Variants in SKAP1 observed in about 807,000 individuals in gnomAD.
SKAP1 encodes src kinase-associated phosphoprotein 1.
A neutral mutation model predicts 58.5 loss-of-function variants in SKAP1; 44 were observed. That is an observed-to-expected ratio of 0.75 (90% CI 0.59 to 0.97). The LOEUF (loss-of-function observed/expected upper bound fraction) is 0.97. Among genes scored for constraint, SKAP1 ranks in the 50% least tolerant of loss-of-function variants. The pLI is 0.00. For missense variants in SKAP1, 390 were observed against 435.2 expected, an observed-to-expected ratio of 0.90 and a Z score of 0.92; for synonymous variants, 127 against 149.7, an observed-to-expected ratio of 0.85 and a Z score of 1.11.
chr17:48,371,989 T>C (rs1052134344), intron 2 of SKAP1, among the ~76,000 whole-genome samples: 2 of 152,208 alleles, frequency 1.3e-5, no homozygotes, highest in African/African-American at 4.8e-5. Flanking sequence ...ATATATTTTT[T>C]TGAGACAGAG....
intron 11 of SKAP1, among the ~76,000 whole-genome samples, chr17:48,149,350 G>A (rs1325293699): frequency 6.6e-6 from 1 of 152,328 alleles, no homozygotes; most frequent in East Asian, 1.9e-4. Flanking sequence ...TTTGGAGAAA[G>A]AGGGATGACA....
intron 2 of SKAP1, among the ~76,000 whole-genome samples, chr17:48,386,880 C>T (rs963758584): frequency 6.6e-6 from 1 of 152,140 alleles, no homozygotes; most frequent in African/African-American, 2.4e-5. Flanking sequence ...TCAAACAGGG[C>T]ACCTAAATAT....
chr17:48,340,828 A>T (rs1598590533), intron 4 of SKAP1, among the ~76,000 whole-genome samples: 1 of 152,212 alleles, frequency 6.6e-6, no homozygotes, highest in East Asian at 1.9e-4. Flanking sequence ...AAGCATTTAG[A>T]GGATAATTTT....
At chr17:48,334,794 T>G (rs1053639833) in intron 4 of SKAP1, among the ~76,000 whole-genome samples, 1 of 151,866 alleles carries the variant, frequency 6.6e-6, no homozygotes, top group African/African-American at 2.4e-5. Context: ...TTGGTTAAAT[T>G]TTGTCTTCAG....
chr17:48,216,880 T>C (rs969642526), intron 4 of SKAP1, among the ~76,000 whole-genome samples: 12 of 152,156 alleles, frequency 7.9e-5, no homozygotes, highest in African/African-American at 2.7e-4. Context: ...TTGGCAAATA[T>C]TATAAGTATC....
chr17:48,299,256 C>T (rs2066026357), intron 4 of SKAP1, among the ~76,000 whole-genome samples: 1 of 152,138 alleles, frequency 6.6e-6, no homozygotes, highest in African/African-American at 2.4e-5. Flanking sequence ...TTGGCTGCCT[C>T]CTTTACCTTT....
At chr17:48,324,211 G>A (rs1598569322) in intron 4 of SKAP1, among the ~76,000 whole-genome samples, 1 of 152,018 alleles carries the variant, frequency 6.6e-6, no homozygotes, top group East Asian at 1.9e-4. Flanking sequence ...CATATGTTTT[G>A]TATCCTGCCT....
At chr17:48,217,989 T>G (rs1386240802) in intron 4 of SKAP1, among the ~76,000 whole-genome samples, 2 of 152,236 alleles carry the variant, frequency 1.3e-5, no homozygotes, top group Non-Finnish European at 2.9e-5. Context: ...GCAGGTCATT[T>G]GTATGAGATA....
intron 7 of SKAP1, among the ~76,000 whole-genome samples, chr17:48,183,228 A>G (rs1358553502): frequency 1.3e-5 from 2 of 152,224 alleles, no homozygotes; most frequent in African/African-American, 4.8e-5. Flanking sequence ...CAGAAGACCA[A>G]CTGGTCCTCT....
intron 4 of SKAP1, among the ~76,000 whole-genome samples, chr17:48,303,609 A>G (rs768562850): frequency 6.6e-6 from 1 of 152,196 alleles, no homozygotes; most frequent in African/African-American, 2.4e-5. Flanking sequence ...AGGCTCCTCA[A>G]TTTTTGTGGC....
intron 3 of SKAP1, among the ~76,000 whole-genome samples, chr17:48,354,822 T>C (rs1404505981): frequency 6.6e-6 from 1 of 152,174 alleles, no homozygotes; most frequent in Non-Finnish European, 1.5e-5. Context: ...GGGTTTCAGG[T>C]CTGAAGTCTT....
intron 4 of SKAP1, among the ~76,000 whole-genome samples, chr17:48,200,779 T>C (rs114253035): frequency 0.027 from 4,096 of 152,348 alleles, 171 homozygotes; most frequent in African/African-American, 0.091. Context: ...ACTAATTATT[T>C]AATTTCTGGA....
chr17:48,161,179 C>T (rs1213747962), intron 11 of SKAP1, among the ~76,000 whole-genome samples: 1 of 152,112 alleles, frequency 6.6e-6, no homozygotes, highest in African/African-American at 2.4e-5. Context: ...TATGGTATAT[C>T]TCAAACCAAG....
intron 7 of SKAP1, among the ~76,000 whole-genome samples, chr17:48,183,429 A>T (rs2064397085): frequency 6.6e-6 from 1 of 152,186 alleles, no homozygotes; most frequent in Non-Finnish European, 1.5e-5. Context: ...AGCCTTTAGT[A>T]ATTTTTTTAT....
chr17:48,189,589 G>T (rs766359565), intron 4 of SKAP1, 89 bp from the exon 5 acceptor site: 3 of 882,652 alleles, frequency 3.4e-6, no homozygotes, highest in Admixed American at 4.6e-5. Flanking sequence ...ATTAATAACA[G>T]AGTACAAAAA....
chr17:48,409,601 T>C (rs969217974), intron 1 of SKAP1, among the ~76,000 whole-genome samples: 2 of 144,860 alleles, frequency 1.4e-5, no homozygotes, highest in South Asian at 2.1e-4. Flanking sequence ...CAGGGAGGCA[T>C]AGGTTGCAGT....
chr17:48,414,381 C>T (rs1001845615), intron 1 of SKAP1, among the ~76,000 whole-genome samples: 1 of 151,840 alleles, frequency 6.6e-6, no homozygotes, highest in Admixed American at 6.6e-5. Flanking sequence ...ATGCAGAGGT[C>T]CAGAGGTGAG....
intron 10 of SKAP1, among the ~76,000 whole-genome samples, chr17:48,170,074 T>C (rs2064188293): frequency 6.6e-6 from 1 of 152,204 alleles, no homozygotes; most frequent in African/African-American, 2.4e-5. Context: ...TAAGATGTAA[T>C]TTTATATTCA....
intron 2 of SKAP1, among the ~76,000 whole-genome samples, chr17:48,396,250 G>C (rs2067416476): frequency 6.6e-6 from 1 of 152,268 alleles, no homozygotes; most frequent in South Asian, 2.1e-4. Flanking sequence ...GAATCAACTT[G>C]ATAAGTCTCA....
Sources: gnomAD v4.1 joint callset for allele counts (sites outside exome capture counted in the v4.1 genomes callset) on GRCh38, gnomAD v4.1.1 for gene constraint, MANE v1.5 for transcripts, NCBI Gene and HGNC (gene_info 2026-07-23, HGNC 2026-07-21) for gene names.